Variants in AACS observed in about 807,000 individuals in gnomAD.
The protein encoded by AACS is acetoacetyl-CoA synthetase, also known as acetoacetate-CoA ligase.
Under a neutral mutation model 83.1 loss-of-function variants are expected in AACS, and 69 were observed. That is an observed-to-expected ratio of 0.83 (90% CI 0.68 to 1.01). AACS has a LOEUF of 1.01. Among genes scored for constraint, AACS ranks in the 50% least tolerant of loss-of-function variants. The pLI is 0.00. For synonymous variants in AACS, 333 were observed against 343.4 expected (o/e 0.97, Z 0.33); for missense variants, 866 against 882.2 (o/e 0.98, Z 0.23).
Position 125,097,509 on chromosome 12 carries a change from C to T in AACS, c.571-5170C>T, listed in dbSNP as rs1364962380. 6.6e-6 allele frequency among the ~76,000 whole-genome samples: 1 copy of T among 151,808 alleles called. No homozygotes were observed. Among genetic ancestry groups the T allele is most frequent in the East Asian group, 1.9e-4 (1 of 5,180 alleles). ...ATAATGTCACAGTCATTCCCTTGTC[C>T]CCCACCCGCCCGCCGTGAACTTTGC... On this transcript the variant is annotated intron_variant, in intron 5 of 17. Coordinates refer to ENST00000316519, the MANE Select transcript of AACS (RefSeq NM_023928.5). This position sits in a 1 kb window ranked among gnomAD's most constrained non-coding sequence, Gnocchi z 4.3.
At chr12:125,112,860 C>T (rs1956982895) in intron 8 of AACS, among the ~76,000 whole-genome samples, 1 of 152,152 alleles carries the variant, frequency 6.6e-6, no homozygotes, top group Non-Finnish European at 1.5e-5. Flanking sequence ...AAATGGGCTT[C>T]CCCTTATCAA....
At chr12:125,070,786 C>G (rs9943766) in intron 1 of AACS, among the ~76,000 whole-genome samples, 3 of 152,158 alleles carry the variant, frequency 2.0e-5, no homozygotes, top group East Asian at 3.8e-4. Context: ...AACCAAGGCA[C>G]GAAGTCTCAG....
At chr12:125,106,553 G>T (rs1157592215) in intron 7 of AACS, among the ~76,000 whole-genome samples, 1 of 152,206 alleles carries the variant, frequency 6.6e-6, no homozygotes, top group African/African-American at 2.4e-5. Flanking sequence ...TTGAGCTGTA[G>T]TTTAGGAAAT....
At chr12:125,114,413 G>T in intron 8 of AACS, 64 bp from the exon 9 acceptor site, 1 of 1,414,266 alleles carries the variant, frequency 7.1e-7, no homozygotes, top group Non-Finnish European at 9.9e-7. Context: ...CGTGGGCCAG[G>T]TACCAGATTC....
At chr12:125,104,867 T>C (rs961149108) in intron 7 of AACS, among the ~76,000 whole-genome samples, 4 of 152,192 alleles carry the variant, frequency 2.6e-5, no homozygotes, top group Non-Finnish European at 5.9e-5. Flanking sequence ...AGAGGTTTAA[T>C]TGGCTTATGG....
rs1261481401 is a variant in AACS, at chr12:125,129,132, G to C, written c.1424-203G>C. 3.4e-6 allele frequency: 2 copies of C among 581,646 alleles called. No individual in the cohort carries two copies. Among genetic ancestry groups the C allele is most frequent in the Admixed American group, 3.9e-5 (1 of 25,788 alleles). The allele number at this position is 581,646 out of a possible 1,614,324, so 36.0% of individuals were successfully genotyped here. On this transcript the variant is annotated intron_variant, in intron 13 of 17. Coordinates refer to ENST00000316519, the MANE Select transcript of AACS (RefSeq NM_023928.5). This position sits in a 1 kb window ranked among gnomAD's most constrained non-coding sequence, Gnocchi z 4.3. ...TCACTACGTCCGAGACAGCGATTTT[G>C]GGGAGCACACAGGGAGGGGACTTCA...
At chr12:125,138,392 A>C (rs1957430118) in intron 17 of AACS, 1 of 152,096 alleles carries the variant, frequency 6.6e-6, no homozygotes, top group Non-Finnish European at 1.5e-5. Context: ...GATGCTCTCC[A>C]AGAAGGTACT....
At chr12:125,138,279 G>A (rs1214160645) in intron 17 of AACS, 1 of 152,224 alleles carries the variant, frequency 6.6e-6, no homozygotes, top group Non-Finnish European at 1.5e-5. Context: ...TTGTGTTCTG[G>A]TTCTGCATGG....
At chr12:125,107,044 T>C in intron 7 of AACS, 77 bp from the exon 8 acceptor site, 2 of 1,588,784 alleles carry the variant, frequency 1.3e-6, no homozygotes, top group Non-Finnish European at 8.6e-7. Flanking sequence ...CAGAGGGAAG[T>C]GCACGGGTGG....
At chr12:125,096,460 G>T (rs543043415) in intron 5 of AACS, among the ~76,000 whole-genome samples, 1 of 152,230 alleles carries the variant, frequency 6.6e-6, no homozygotes, top group African/African-American at 2.4e-5. Flanking sequence ...TTGTGTGTTC[G>T]CCACAGCCAA....
chr12:125,097,300 C>T lies in AACS; in HGVS notation c.571-5379C>T, dbSNP rs1023473793. ...ACTGAGGAAGGGGTACCGGGGGTACCCTTGAAATGGAGGAGGGAGGAGGTG... is the reference window on the plus strand; with the variant it reads ...ACTGAGGAAGGGGTACCGGGGGTACTCTTGAAATGGAGGAGGGAGGAGGTG... On this transcript the variant is annotated intron_variant, in intron 5 of 17. Coordinates refer to ENST00000316519, the MANE Select transcript of AACS (RefSeq NM_023928.5). The surrounding 1 kb of genome is among the most constrained non-coding windows in gnomAD (Gnocchi z 4.3). 2.6e-5 allele frequency among the ~76,000 whole-genome samples: 4 copies of T among 151,958 alleles called. No homozygotes were observed. Among genetic ancestry groups the T allele is most frequent in the Non-Finnish European group, 5.9e-5 (4 of 68,000 alleles).
intron 8 of AACS, among the ~76,000 whole-genome samples, chr12:125,111,621 G>T (rs1247808166): frequency 6.6e-6 from 1 of 152,164 alleles, no homozygotes; most frequent in East Asian, 1.9e-4. Context: ...AGGCAACATA[G>T]GCCAGAGTCC....
chr12:125,078,347 G>A (rs768328528), intron 3 of AACS: 14 of 456,126 alleles, frequency 3.1e-5, no homozygotes, highest in South Asian at 2.0e-4. Context: ...ATGGAGCAAC[G>A]TCTCGACGTA....
chr12:125,107,435 G>T (rs573627976), intron 8 of AACS, among the ~76,000 whole-genome samples, 167 bp downstream of exon 8: 4 of 152,328 alleles, frequency 2.6e-5, no homozygotes, highest in Non-Finnish European at 5.9e-5. Flanking sequence ...ATCCGGCACT[G>T]GGCCCAGGGC....
In AACS at chr12:125,107,297, C is replaced by T. The variant is rs747960058; in HGVS notation, c.915+29C>T. On this transcript the variant is annotated intron_variant, in intron 8 of 17. Transcript: ENST00000316519. ...GGTCTCTGGGGAAGGCTCTGCAGGG[C>T]CTCCTGTTGTCTGTTTGCTTCAACA... The T allele has an allele frequency of 1.2e-5, 19 of 1,608,202 alleles. No individual in the cohort carries two copies. The East Asian group carries it at 4.0e-4, about 34-fold the overall frequency.
At chr12:125,131,159 G>T (rs573566515) in intron 14 of AACS, among the ~76,000 whole-genome samples, 1 of 152,306 alleles carries the variant, frequency 6.6e-6, no homozygotes, top group African/African-American at 2.4e-5. Flanking sequence ...CAGGATGTTA[G>T]TAAGTGAAAA....
At chr12:125,110,001 GC>G (rs1956917471) in intron 8 of AACS, among the ~76,000 whole-genome samples, 1 of 150,936 alleles carries the variant, frequency 6.6e-6, no homozygotes, top group Non-Finnish European at 1.5e-5. Context: ...GAAATGAAAT[GC>G]CTGGGTCAAT....
intron 13 of AACS, chr12:125,128,684 G>A (rs911301409): frequency 1.2e-5 from 2 of 161,496 alleles, no homozygotes; most frequent in Admixed American, 1.2e-4. Flanking sequence ...GGGTGAGCAG[G>A]GCTCAGTGCA....
chr12:125,079,469 C>CGGAA (rs1331176895), intron 3 of AACS, among the ~76,000 whole-genome samples: 1 of 152,178 alleles, frequency 6.6e-6, no homozygotes, highest in Non-Finnish European at 1.5e-5. Context: ...GCAGCCTCGA[C>CGGAA]TTCCCAGGCT....
Sources: gnomAD v4.1 joint callset for allele counts (sites outside exome capture counted in the v4.1 genomes callset) on GRCh38, gnomAD v4.1.1 for gene constraint, Gnocchi (gnomAD v3.1) non-coding constraint, MANE v1.5 for transcripts, NCBI Gene and HGNC (gene_info 2026-07-23, HGNC 2026-07-21) for gene names.